The following NAV1 variants were observed in gnomAD, a reference collection of about 807,000 sequenced individuals.
The protein encoded by NAV1 is pore membrane and/or filament interacting like protein 3.
NAV1 carries 18 observed loss-of-function variants against 175.2 expected under a neutral mutation model. The observed-to-expected ratio is 0.10, with a 90% CI of 0.07 to 0.15. NAV1 has a LOEUF of 0.15. Ranked by LOEUF, NAV1 falls within the 10% of genes least tolerant of loss-of-function variation. The pLI is 1.00. For missense variants in NAV1, 1,731 were observed against 2,436.6 expected, an observed-to-expected ratio of 0.71 and a Z score of 6.10; for synonymous variants, 897 against 978.7, an observed-to-expected ratio of 0.92 and a Z score of 1.56.
intron 2 of NAV1, among the ~76,000 whole-genome samples, chr1:201,615,504 C>T (rs1222077481): frequency 1.3e-5 from 2 of 152,082 alleles, no homozygotes; most frequent in African/African-American, 4.8e-5. Context: ...ACCTCGTGAT[C>T]CACCCACCTT....
chr1:201,624,790 A>G (rs1668283575), intron 1 of NAV1, among the ~76,000 whole-genome samples: 1 of 152,116 alleles, frequency 6.6e-6, no homozygotes, highest in Non-Finnish European at 1.5e-5. Context: ...AACTTCCTAT[A>G]TTTTTTCCCC....
At chr1:201,549,195 T>G (rs1412226315) in intron 1 of NAV1, among the ~76,000 whole-genome samples, 1 of 151,252 alleles carries the variant, frequency 6.6e-6, no homozygotes, top group African/African-American at 2.4e-5. Context: ...CTTCCTTCCT[T>G]CCTTCTTTCT....
At chr1:201,803,956 A>G in intron 16 of NAV1, 1 of 552,770 alleles carries the variant, frequency 1.8e-6, no homozygotes, top group Non-Finnish European at 3.4e-6. Context: ...GGCTCTCCAT[A>G]CTGGTTAGGC....
chr1:201,685,930 C>T (rs886757904), intron 1 of NAV1, among the ~76,000 whole-genome samples: 1 of 152,170 alleles, frequency 6.6e-6, no homozygotes, highest in African/African-American at 2.4e-5. Flanking sequence ...TCTTTAAGGC[C>T]ACTGTGAACT....
At chr1:201,569,062 C>G (rs1666453693) in intron 1 of NAV1, among the ~76,000 whole-genome samples, 1 of 152,152 alleles carries the variant, frequency 6.6e-6, no homozygotes, top group African/African-American at 2.4e-5. Context: ...AGCGTGTTTC[C>G]TTCCTGCTCT....
At chr1:201,623,684 A>C in intron 1 of NAV1, 78 bp downstream of exon 3, 1 of 985,088 alleles carries the variant, frequency 1.0e-6, no homozygotes, top group South Asian at 4.7e-5. Flanking sequence ...GAGGACAGGG[A>C]CCCTGGTGAT....
At chr1:201,657,326 C>T (rs1268979887) in intron 1 of NAV1, among the ~76,000 whole-genome samples, 1 of 152,190 alleles carries the variant, frequency 6.6e-6, no homozygotes, top group Non-Finnish European at 1.5e-5. Flanking sequence ...GATATTTCTT[C>T]TGTTGAGCTT....
chr1:201,813,158 C>T lies in NAV1; in HGVS notation c.5240C>T (p.Ser1747Leu). ...TCCCTAGGCCCTTGCTTCTTTCTGT[C>T]GTGTCCCATTGGCATTGAGGACTTC... The change falls in exon 28 of 30, where the codon TCG (serine) becomes TTG (leucine). Residue 1747 changes from serine (S) to leucine (L), a missense_variant. Physicochemically the swap from Ser to Leu is moderately radical, Grantham distance 145 (BLOSUM62 -2). Around this residue, in one of 13 missense-constraint regions of NAV1, gnomAD observed 30 missense variants for 97.3 expected, o/e 0.31. Coordinates refer to ENST00000367296, the Ensembl canonical transcript of NAV1. This position sits in a 1 kb window ranked among gnomAD's most constrained non-coding sequence, Gnocchi z 4.2. 6.2e-7 allele frequency: 1 copy of T among 1,613,810 alleles called. No homozygotes were observed. The highest frequency in any genetic ancestry group is 8.5e-7 in the Non-Finnish European group (1 of 1,179,750).
chr1:201,590,400 T>TC (rs1189364626), intron 2 of NAV1, among the ~76,000 whole-genome samples: 1 of 152,250 alleles, frequency 6.6e-6, no homozygotes, highest in Non-Finnish European at 1.5e-5. Context: ...CTTACTTTTT[T>TC]CCTTTTTTTG....
rs530956920 is a variant in NAV1 at position 201,750,457 on chromosome 1, G to T, written c.1227-29964G>T. ...AAACAGAGCAGCCCTGTGTTTACCT[G>T]TTTCATACATTGAGGACTTCTGGTT... On this transcript the variant is annotated intron_variant, in intron 3 of 29. Coordinates refer to ENST00000367296, the Ensembl canonical transcript of NAV1. The surrounding 1 kb of genome is among the most constrained non-coding windows in gnomAD (Gnocchi z 4.1). Among the ~76,000 whole-genome samples, 1 of 152,188 alleles carries T rather than the reference G, an allele frequency of 6.6e-6. No individual in the cohort carries two copies. The highest frequency in any genetic ancestry group is 1.5e-5 in the Non-Finnish European group (1 of 68,012).
At chr1:201,648,693 G>A in exon 1 of NAV1, 2 of 1,424,010 alleles carry the variant, frequency 1.4e-6, no homozygotes, top group South Asian at 1.5e-5. Flanking sequence ...CGTCAAGAGC[G>A]TGCAGCCCGA....
At chr1:201,802,304 T>A (rs1571507541) in intron 15 of NAV1, among the ~76,000 whole-genome samples, 2 of 14,622 alleles carry the variant, frequency 1.4e-4, no homozygotes, top group Admixed American at 1.3e-3. Context: ...AAACACCTTC[T>A]CAAAAAAAAA....
chr1:201,577,079 C>G (rs981265360), intron 1 of NAV1, among the ~76,000 whole-genome samples: 1 of 152,196 alleles, frequency 6.6e-6, no homozygotes, highest in African/African-American at 2.4e-5. Flanking sequence ...CCTCAACCTC[C>G]TGGCCTCAAG....
chr1:201,801,674 G>C (rs547455518), intron 15 of NAV1, among the ~76,000 whole-genome samples: 5 of 152,042 alleles, frequency 3.3e-5, no homozygotes, highest in Non-Finnish European at 7.4e-5. Context: ...CATTGGAGGA[G>C]GTTAAGTGAA....
At position 201,602,637 on chromosome 1, in the gene NAV1, GT is replaced by G. The variant is rs386369319; in HGVS notation, c.-33+14000del. 9.9e-4 allele frequency among the ~76,000 whole-genome samples: 113 copies of G among 114,408 alleles called. 1 individual carries two copies. The highest frequency in any genetic ancestry group is 8.4e-3 in the South Asian group (29 of 3,454). 75.1% of individuals were successfully genotyped at this position (114,408 alleles called of 152,430 possible). On this transcript the variant is annotated intron_variant, in intron 2 of 33. Transcript: ENST00000685211. ...GCCACTGCACCTAGACTTAAGCTAT[GT>G]TTTTTTTTTTTGGTTTTTTTTTTTT...
In NAV1 at chr1:201,718,638, C is replaced by G. The variant is rs1558094550; in HGVS notation, c.1109C>G (p.Ser370Cys). Residue 370 changes from serine to cysteine, a missense_variant, in exon 3 of 30, where the codon TCC (serine) becomes TGC (cysteine). By Grantham distance (112) the Ser-to-Cys change is moderately radical (BLOSUM62 -1). Coordinates refer to ENST00000367296, the Ensembl canonical transcript of NAV1. The surrounding 1 kb of genome is among the most constrained non-coding windows in gnomAD (Gnocchi z 4.8). ...AGCCCCAGCAAGCTCAGCCATATCT[C>G]CCGCCTGGAGCTGGTCGAATCCCTG... 6.2e-7 allele frequency: 1 copy of G among 1,614,202 alleles called. No homozygotes were observed. Among genetic ancestry groups the G allele is most frequent in the Non-Finnish European group, 8.5e-7 (1 of 1,180,042 alleles).
chr1:201,712,259 C>T (rs1671937885), intron 1 of NAV1, among the ~76,000 whole-genome samples: 1 of 152,158 alleles, frequency 6.6e-6, no homozygotes, highest in African/African-American at 2.4e-5. Flanking sequence ...GTACCAGTTC[C>T]CCAGAGCCAA....
At chr1:201,558,528 C>G (rs1465204407) in intron 1 of NAV1, among the ~76,000 whole-genome samples, 1 of 152,194 alleles carries the variant, frequency 6.6e-6, no homozygotes, top group Non-Finnish European at 1.5e-5. Context: ...TCTCGGCTCA[C>G]TGCAACATCT....
chr1:201,793,632 T>C, intron 13 of NAV1, 160 bp from the exon 18 acceptor site: 1 of 636,424 alleles, frequency 1.6e-6, no homozygotes, highest in South Asian at 2.0e-5. Context: ...TTCCCCTTTG[T>C]CTGCTCAGGA....
Sources: gnomAD v4.1 joint callset for allele counts (sites outside exome capture counted in the v4.1 genomes callset) on GRCh38, gnomAD v4.1.1 for gene constraint, gnomAD v4.1.1 regional missense constraint, Gnocchi (gnomAD v3.1) non-coding constraint, MANE v1.5 for transcripts, NCBI Gene and HGNC (gene_info 2026-07-23, HGNC 2026-07-21) for gene names.